UBE2F: variants seen among roughly 807,000 people sequenced by gnomAD.
UBE2F encodes NEDD8-conjugating enzyme UBE2F.
A neutral mutation model predicts 29.6 loss-of-function variants in UBE2F; 5 were observed. The observed-to-expected ratio is 0.17, with a 90% CI of 0.09 to 0.36. UBE2F has a LOEUF of 0.36. UBE2F is among the 10% of genes least tolerant of loss of function. UBE2F has a pLI of 1.00. For synonymous variants in UBE2F, 66 were observed against 81.8 expected (o/e 0.81, Z 1.04); for missense variants, 141 against 228.5 (o/e 0.62, Z 2.47).
chr2:237,977,109 G>A lies in UBE2F; in HGVS notation c.118+3884G>A, dbSNP rs553889421. On this transcript the variant is annotated intron_variant, in intron 2 of 9. Coordinates refer to ENST00000272930, the MANE Select transcript of UBE2F (RefSeq NM_080678.3). The stretch of plus-strand genomic sequence containing the variant: ...CTCCAGGGCTGACAGAGCCCACTAA[G>A]ACCTACCAACCTGGGCGCCCCTCCA... Among the ~76,000 whole-genome samples, 5 of 152,298 alleles carry A rather than the reference G, an allele frequency of 3.3e-5. No individual in the cohort carries two copies. The East Asian group carries it at 9.7e-4, about 29-fold the overall frequency.
At chr2:238,032,154 A>G in intron 7 of UBE2F, 68 bp from the exon 8 acceptor site, 2 of 1,272,190 alleles carry the variant, frequency 1.6e-6, no homozygotes, top group Non-Finnish European at 2.3e-6. Context: ...ATATTTCTTG[A>G]TCATGGGTTT....
chr2:238,020,933 GGGTGAC>G (rs1260491948), intron 5 of UBE2F, among the ~76,000 whole-genome samples: 1 of 152,220 alleles, frequency 6.6e-6, no homozygotes, highest in Non-Finnish European at 1.5e-5. Flanking sequence ...GTGGTGATGT[GGGTGAC>G]GGCTATTCCT....
chr2:237,980,854 G>T (rs80246918), intron 2 of UBE2F, among the ~76,000 whole-genome samples: 3 of 152,212 alleles, frequency 2.0e-5, no homozygotes, highest in Admixed American at 1.3e-4. Flanking sequence ...GGAGCAGGCG[G>T]CAAGGAGCCA....
At chr2:238,036,710 C>T (rs567652228) in intron 9 of UBE2F, among the ~76,000 whole-genome samples, 1 of 152,296 alleles carries the variant, frequency 6.6e-6, no homozygotes, top group Admixed American at 6.5e-5. Context: ...CCTGTGGTCC[C>T]AGCTACTCAG....
intron 6 of UBE2F, among the ~76,000 whole-genome samples, chr2:238,027,753 C>T (rs963434273): frequency 6.6e-6 from 1 of 152,206 alleles, no homozygotes; most frequent in Non-Finnish European, 1.5e-5. Flanking sequence ...AGGAAAAGCC[C>T]AACCGCACCT....
At chr2:238,030,735 C>A in intron 7 of UBE2F, 122 bp downstream of exon 7, 1 of 723,786 alleles carries the variant, frequency 1.4e-6, no homozygotes, top group Non-Finnish European at 2.5e-6. Context: ...TGGCCGGACA[C>A]ACCCTGCCTC....
chr2:237,984,843 G>A (rs2063446719), intron 2 of UBE2F, among the ~76,000 whole-genome samples: 2 of 152,066 alleles, frequency 1.3e-5, no homozygotes, highest in South Asian at 4.1e-4. Context: ...ACAGTGAGGC[G>A]ATGATTGCTC....
At chr2:237,983,280 C>T (rs1015097693) in intron 2 of UBE2F, among the ~76,000 whole-genome samples, 3 of 152,258 alleles carry the variant, frequency 2.0e-5, no homozygotes, top group Non-Finnish European at 4.4e-5. Flanking sequence ...ACACTCAGCT[C>T]CGCTGAAGAG....
chr2:238,005,590 G>A (rs1277960991), intron 4 of UBE2F, among the ~76,000 whole-genome samples: 1 of 131,260 alleles, frequency 7.6e-6, no homozygotes, highest in East Asian at 2.4e-4. Flanking sequence ...TACAAGAGAA[G>A]AGTGTAGTTT....
chr2:238,026,866 A>T (rs1240772190), intron 6 of UBE2F, among the ~76,000 whole-genome samples: 2 of 152,176 alleles, frequency 1.3e-5, no homozygotes, highest in African/African-American at 2.4e-5. Context: ...ATACCTTTTT[A>T]AAAAAGCATC....
chr2:238,002,711 A>G (rs1298722828), intron 4 of UBE2F, among the ~76,000 whole-genome samples: 1 of 152,156 alleles, frequency 6.6e-6, no homozygotes, highest in Non-Finnish European at 1.5e-5. Context: ...TCCTGGGTTC[A>G]AGCGATTCTC....
chr2:238,032,369 T>C (rs2064602496), intron 8 of UBE2F, 115 bp downstream of exon 8: 2 of 900,786 alleles, frequency 2.2e-6, no homozygotes, highest in Admixed American at 4.5e-5. Flanking sequence ...AAACATGGAC[T>C]GGGCACAGTG....
chr2:237,968,713 A>G (rs1243318264), intron 1 of UBE2F: 4 of 279,150 alleles, frequency 1.4e-5, no homozygotes, highest in Non-Finnish European at 2.2e-5. Context: ...AGCAGGTCCC[A>G]CCCAGAGGAG....
chr2:238,037,562 G>A (rs1413309255), intron 9 of UBE2F, among the ~76,000 whole-genome samples: 1 of 152,186 alleles, frequency 6.6e-6, no homozygotes, highest in East Asian at 1.9e-4. Flanking sequence ...GATTCCCTAT[G>A]GCAGCCTTGC....
At chr2:238,025,217 T>G (rs1451312462) in intron 5 of UBE2F, 125 bp from the exon 6 acceptor site, 1 of 798,420 alleles carries the variant, frequency 1.3e-6, no homozygotes, top group Non-Finnish European at 2.1e-6. Flanking sequence ...GTTCAGCGAG[T>G]CAAACTGCAC....
chr2:238,039,276 G>A (rs1362976280), intron 9 of UBE2F, among the ~76,000 whole-genome samples: 1 of 152,138 alleles, frequency 6.6e-6, no homozygotes, highest in African/African-American at 2.4e-5. Flanking sequence ...TAAAAAAATA[G>A]GTGAACAAAC....
chr2:238,011,369 A>G (rs1448349172), intron 4 of UBE2F, among the ~76,000 whole-genome samples: 2 of 151,892 alleles, frequency 1.3e-5, no homozygotes, highest in Non-Finnish European at 2.9e-5. Flanking sequence ...CTCCTCCTTC[A>G]ATTCATCATT....
Position 238,025,336 on chromosome 2 carries a change from T to C in UBE2F, c.283-6T>C, listed in dbSNP as rs767445679. The C allele has an allele frequency of 1.9e-5, 30 of 1,613,504 alleles. No homozygotes were observed. The highest frequency in any genetic ancestry group is 2.5e-5 in the Non-Finnish European group (29 of 1,179,648). On this transcript the variant is annotated splice_region_variant and splice_polypyrimidine_tract_variant and intron_variant, in intron 5 of 9. Coordinates refer to ENST00000272930, the MANE Select transcript of UBE2F (RefSeq NM_080678.3). ...CGTGATCTCTCTCATTGTCTCTGTG[T>C]TGCAGCCTCCCAAAGTGAAATGCCT...
intron 1 of UBE2F, among the ~76,000 whole-genome samples, chr2:237,971,259 G>A (rs1440675084): frequency 6.6e-6 from 1 of 152,214 alleles, no homozygotes; most frequent in African/African-American, 2.4e-5. Flanking sequence ...GAGTGGTATT[G>A]AAATAAAATG....
Sources: allele counts gnomAD v4.1 joint callset (sites outside exome capture counted in the v4.1 genomes callset), GRCh38; gene constraint gnomAD v4.1.1; transcripts MANE v1.5; gene names NCBI Gene and HGNC (gene_info 2026-07-23, HGNC 2026-07-21).